The following OPCML variants were observed in gnomAD, a reference collection of about 807,000 sequenced individuals.
OPCML encodes the protein opioid-binding protein/cell adhesion molecule.
Under a neutral mutation model 37.8 loss-of-function variants are expected in OPCML, and 13 were observed. The ratio of observed to expected loss-of-function variants is 0.34; its 90% CI spans 0.22 to 0.55. The LOEUF (loss-of-function observed/expected upper bound fraction) is 0.55. Among genes scored for constraint, OPCML ranks in the 20% least tolerant of loss-of-function variants. OPCML has a pLI of 0.91. For synonymous variants in OPCML, 176 were observed against 168.8 expected (o/e 1.04, Z -0.33); for missense variants, 341 against 435.6 (o/e 0.78, Z 1.93).
chr11:132,494,814 A>G (rs538986160), intron 4 of OPCML, among the ~76,000 whole-genome samples: 4 of 152,352 alleles, frequency 2.6e-5, no homozygotes, highest in Admixed American at 2.0e-4. Context: ...CACCAGCTCC[A>G]GAGGTGTCCC....
At chr11:132,705,873 T>G (rs1944012636) in intron 2 of OPCML, among the ~76,000 whole-genome samples, 1 of 152,138 alleles carries the variant, frequency 6.6e-6, no homozygotes, top group South Asian at 2.1e-4. Flanking sequence ...AGTGGCACAA[T>G]CTCGGCCCAC....
chr11:132,687,414 ATATATATATATATATT>A (rs1943211785), intron 2 of OPCML, among the ~76,000 whole-genome samples: 3 of 82,800 alleles, frequency 3.6e-5, no homozygotes, highest in Non-Finnish European at 4.4e-5. Context: ...ATATATATAT[ATATATATATATATATT>A]TAATCTGTAT....
intron 2 of OPCML, among the ~76,000 whole-genome samples, chr11:132,933,372 T>C (rs1355226804): frequency 6.6e-6 from 1 of 152,214 alleles, no homozygotes; most frequent in Non-Finnish European, 1.5e-5. Flanking sequence ...ATCTCCTGCC[T>C]GTGGCTTCAA....
chr11:133,005,582 C>T, intron 1 of OPCML: 1 of 985,178 alleles, frequency 1.0e-6, no homozygotes, highest in East Asian at 1.1e-4. Flanking sequence ...ATATCCCTTT[C>T]CTTAGGGACT....
chr11:133,443,580 T>G (rs1403789003), intron 1 of OPCML, among the ~76,000 whole-genome samples: 1 of 152,214 alleles, frequency 6.6e-6, no homozygotes. Context: ...CCATTGTACA[T>G]TAGTAACCAG....
intron 2 of OPCML, among the ~76,000 whole-genome samples, chr11:132,747,753 T>C (rs559362892): frequency 1.3e-5 from 2 of 152,288 alleles, no homozygotes; most frequent in South Asian, 4.1e-4. Context: ...AAGAAAGAGT[T>C]GCTGGTTTTG....
chr11:133,239,694 C>T (rs566854100), intron 1 of OPCML, among the ~76,000 whole-genome samples: 30 of 152,268 alleles, frequency 2.0e-4, no homozygotes, highest in East Asian at 1.4e-3. Context: ...AACTCCTTCG[C>T]GCTAATTACA....
chr11:133,010,304 G>T (rs1053938176), intron 1 of OPCML, among the ~76,000 whole-genome samples: 6 of 152,170 alleles, frequency 3.9e-5, no homozygotes, highest in African/African-American at 1.4e-4. Flanking sequence ...CAGAATGTTT[G>T]CTATACAGAA....
At chr11:133,006,576 G>C (rs1185471264) in intron 1 of OPCML, 1 of 985,332 alleles carries the variant, frequency 1.0e-6, no homozygotes, top group Non-Finnish European at 1.2e-6. Flanking sequence ...ATAGGGTGCT[G>C]TTGAAAGTTG....
At chr11:133,039,047 A>G (rs758141371) in intron 1 of OPCML, among the ~76,000 whole-genome samples, 10 of 152,186 alleles carry the variant, frequency 6.6e-5, no homozygotes, top group Non-Finnish European at 1.2e-4. Context: ...CCCACTTCCT[A>G]TGCTGGCTGG....
Position 132,608,552 on chromosome 11 carries a change from C to A in OPCML, c.379+48535G>T, listed in dbSNP as rs7943799. On this transcript the variant is annotated intron_variant, in intron 3 of 7. Transcript: ENST00000524381. ...CCAGACTCCAGGGTGTCAGTCCCAGCTTTGCTGAAGATGCTGGGCAATCTA... is the reference window on the plus strand; with the variant it reads ...CCAGACTCCAGGGTGTCAGTCCCAGATTTGCTGAAGATGCTGGGCAATCTA... 3.8e-3 allele frequency among the ~76,000 whole-genome samples: 572 copies of A among 152,284 alleles called. 5 individuals carry two copies. Among genetic ancestry groups the A allele is most frequent in the African/African-American group, 0.013 (543 of 41,560 alleles).
At chr11:132,874,123 T>C (rs1357819411) in intron 2 of OPCML, among the ~76,000 whole-genome samples, 1 of 152,210 alleles carries the variant, frequency 6.6e-6, no homozygotes, top group Non-Finnish European at 1.5e-5. Flanking sequence ...TCTCTGTCTA[T>C]GTTTAATGAC....
At chr11:132,714,943 A>G (rs1310888830) in intron 2 of OPCML, among the ~76,000 whole-genome samples, 1 of 152,084 alleles carries the variant, frequency 6.6e-6, no homozygotes, top group African/African-American at 2.4e-5. Flanking sequence ...AGTGCAAAGG[A>G]AGGGAGGGCT....
chr11:133,261,456 A>G (rs1477707514), intron 1 of OPCML, among the ~76,000 whole-genome samples: 1 of 152,208 alleles, frequency 6.6e-6, no homozygotes, highest in East Asian at 1.9e-4. Flanking sequence ...GCATCAGACG[A>G]AAGAGTGGTG....
At chr11:132,555,241 A>G (rs543089163) in intron 3 of OPCML, among the ~76,000 whole-genome samples, 1 of 152,134 alleles carries the variant, frequency 6.6e-6, no homozygotes, top group South Asian at 2.1e-4. Flanking sequence ...GGTGATTTAT[A>G]AAGAAAAAGA....
At chr11:133,136,618 T>C (rs575591965) in intron 1 of OPCML, among the ~76,000 whole-genome samples, 1 of 152,062 alleles carries the variant, frequency 6.6e-6, no homozygotes, top group East Asian at 1.9e-4. Context: ...AATCAGGCAT[T>C]CAGGCTGGAA....
At chr11:132,841,593 T>G (rs1311001055) in intron 2 of OPCML, among the ~76,000 whole-genome samples, 1 of 151,998 alleles carries the variant, frequency 6.6e-6, no homozygotes, top group Non-Finnish European at 1.5e-5. Context: ...TTAGAATAAC[T>G]CCTTTTGAGG....
At chr11:133,346,143 A>T (rs954189789) in intron 1 of OPCML, among the ~76,000 whole-genome samples, 1 of 152,182 alleles carries the variant, frequency 6.6e-6, no homozygotes. Flanking sequence ...TTTGGCATAC[A>T]CTCTTAATGA....
At chr11:132,530,978 G>A (rs1200163230) in intron 3 of OPCML, among the ~76,000 whole-genome samples, 1 of 152,138 alleles carries the variant, frequency 6.6e-6, no homozygotes, top group Non-Finnish European at 1.5e-5. Flanking sequence ...CATCCTGAAA[G>A]CAGAAGCAGC....
Sources: gnomAD v4.1 joint callset for allele counts (sites outside exome capture counted in the v4.1 genomes callset) on GRCh38, gnomAD v4.1.1 for gene constraint, MANE v1.5 for transcripts, NCBI Gene and HGNC (gene_info 2026-07-23, HGNC 2026-07-21) for gene names.